The following LRRC3B variants were observed in gnomAD, a reference collection of about 807,000 sequenced individuals.
The protein encoded by LRRC3B is leucine-rich repeat-containing protein 3B.
In LRRC3B, 2 loss-of-function variants were observed where a neutral mutation model predicts 12.8. The observed-to-expected ratio is 0.16, with a 90% confidence interval of 0.06 to 0.49. The LOEUF (loss-of-function observed/expected upper bound fraction) is 0.49, where lower values mean the gene tolerates loss of function less well. Among genes scored for constraint, LRRC3B ranks in the 20% least tolerant of loss-of-function variants. The probability of loss-of-function intolerance (pLI) is 0.96; values close to 1 mark genes in which losing one functional copy is unlikely to be tolerated. For missense variants in LRRC3B, 189 were observed against 319.4 expected (o/e 0.59, Z 3.11); for synonymous variants, 132 against 122.0 (o/e 1.08, Z -0.54).
At chr3:26,665,801 T>C (rs1247972631) in intron 1 of LRRC3B, among the ~76,000 whole-genome samples, 4 of 152,190 alleles carry the variant, frequency 2.6e-5, no homozygotes, top group African/African-American at 9.7e-5. Context: ...TCTTGGTTCT[T>C]TGTAAGAGTT....
chr3:26,626,486 AG>A (rs576436723), intron 1 of LRRC3B, among the ~76,000 whole-genome samples: 67 of 152,312 alleles, frequency 4.4e-4, no homozygotes, highest in African/African-American at 1.3e-3. Flanking sequence ...GCTGAGCTCA[AG>A]GCCATTTGGT....
At chr3:26,633,170 T>TTCTC (rs753881482) in intron 1 of LRRC3B, among the ~76,000 whole-genome samples, 4 of 151,988 alleles carry the variant, frequency 2.6e-5, no homozygotes, top group African/African-American at 4.8e-5. Flanking sequence ...CTTTCTCTTC[T>TTCTC]TCTCTCTCTC....
Position 26,671,413 on chromosome 3 carries a change from G to GAGAGAGAGAGAGAGAGAC in LRRC3B, c.-160-38099_-160-38098insGAGAGAGAGAGAGAGACA, listed in dbSNP as rs9331540. Among the ~76,000 whole-genome samples the GAGAGAGAGAGAGAGAGAC allele has an allele frequency of 3.9e-3, 391 of 99,240 alleles. 32 individuals are homozygous for GAGAGAGAGAGAGAGAGAC. The highest frequency in any genetic ancestry group is 8.4e-3 in the East Asian group (22 of 2,618). The allele number at this position is 99,240 out of a possible 152,430, so 65.1% of individuals were successfully genotyped here. A position where few individuals can be genotyped will look rare whatever the true frequency, so the allele number is the denominator to read the frequency against. ...AGAGAGAGAGAGAGAGAGAGAGAGA[G>GAGAGAGAGAGAGAGAGAC]ACGAAGTCTTGCTCTGTCGCCAGGC... On this transcript the variant is annotated intron_variant, in intron 1 of 1. Coordinates refer to ENST00000396641, the Ensembl canonical transcript of LRRC3B.
intron 1 of LRRC3B, among the ~76,000 whole-genome samples, chr3:26,706,879 A>ATAAT (rs1383750860): frequency 6.6e-6 from 1 of 152,216 alleles, no homozygotes; most frequent in African/African-American, 2.4e-5. Context: ...ATTTATAAAA[A>ATAAT]TAATTGCCAT....
chr3:26,665,329 T>G (rs1020539237), intron 1 of LRRC3B, among the ~76,000 whole-genome samples: 1 of 152,124 alleles, frequency 6.6e-6, no homozygotes, highest in Non-Finnish European at 1.5e-5. Context: ...TTTGCTTGAT[T>G]GAAAAATCAC....
intron 1 of LRRC3B, among the ~76,000 whole-genome samples, chr3:26,703,791 A>G (rs1700516153): frequency 6.6e-6 from 1 of 151,680 alleles, no homozygotes; most frequent in Non-Finnish European, 1.5e-5. Context: ...ATCATGAAAC[A>G]TGTACTGCTT....
In LRRC3B at chr3:26,651,595, TTGAATGAA is replaced by T. The variant is rs34871865; in HGVS notation, c.-161+28383_-161+28390del. 5.3e-3 allele frequency among the ~76,000 whole-genome samples: 806 copies of T among 152,100 alleles called. 3 individuals are homozygous for T. The highest frequency in any genetic ancestry group is 0.018 in the African/African-American group (731 of 41,490). ...AAAGTCAATACTCAATAAATATCTGTTGAATGAATGAATGAATGAATGAATGAATGAAG... is the reference window on the plus strand; with the variant it reads ...AAAGTCAATACTCAATAAATATCTGTTGAATGAATGAATGAATGAATGAAG... On this transcript the variant is annotated intron_variant, in intron 1 of 1. Coordinates refer to ENST00000396641, the Ensembl canonical transcript of LRRC3B.
chr3:26,641,244 T>G (rs528486700), intron 1 of LRRC3B, among the ~76,000 whole-genome samples: 1 of 152,088 alleles, frequency 6.6e-6, no homozygotes, highest in East Asian at 1.9e-4. Context: ...CCCAGTAGCA[T>G]AGGTGGCCTA....
chr3:26,670,671 A>C (rs1344723157), intron 1 of LRRC3B, among the ~76,000 whole-genome samples: 1 of 152,180 alleles, frequency 6.6e-6, no homozygotes, highest in Non-Finnish European at 1.5e-5. Context: ...TCCACATATG[A>C]ATCTCATTTT....
chr3:26,692,579 C>T (rs946620222), intron 1 of LRRC3B, among the ~76,000 whole-genome samples: 1 of 151,984 alleles, frequency 6.6e-6, no homozygotes, highest in East Asian at 1.9e-4. Flanking sequence ...CAGCATTGAG[C>T]AATTACAAAA....
At chr3:26,695,516 GACA>G (rs1433609496) in intron 1 of LRRC3B, among the ~76,000 whole-genome samples, 1 of 140,504 alleles carries the variant, frequency 7.1e-6, no homozygotes, top group Non-Finnish European at 1.5e-5. Context: ...GACAGAGCCA[GACA>G]ACATCTCAAA....
Position 26,704,588 on chromosome 3 carries a change from C to T in LRRC3B, c.-160-4925C>T, listed in dbSNP as rs1412310200. On this transcript the variant is annotated intron_variant, in intron 1 of 1. Transcript: ENST00000396641. ...TCTTTTTATTTTTATTTTTTAGAGA[C>T]AGGGTCTTGCTATGTTGCCCTGTCT... is the stretch of plus-strand genomic sequence containing the variant. Among the ~76,000 whole-genome samples the T allele has an allele frequency of 2.0e-5, 3 of 151,732 alleles. No homozygotes were observed. The East Asian group carries it at 5.8e-4, about 29-fold the overall frequency.
chr3:26,690,874 T>A (rs890905347), intron 1 of LRRC3B, among the ~76,000 whole-genome samples: 2 of 151,926 alleles, frequency 1.3e-5, no homozygotes, highest in Non-Finnish European at 2.9e-5. Flanking sequence ...GCAGCCTATA[T>A]GATTATCTTA....
At chr3:26,701,608 T>C (rs571202175) in intron 1 of LRRC3B, among the ~76,000 whole-genome samples, 1 of 152,188 alleles carries the variant, frequency 6.6e-6, no homozygotes, top group South Asian at 2.1e-4. Flanking sequence ...CCATCCCTTA[T>C]TGACAAACTC....
At chr3:26,678,401 G>T (rs1226876863) in intron 1 of LRRC3B, among the ~76,000 whole-genome samples, 1 of 152,072 alleles carries the variant, frequency 6.6e-6, no homozygotes, top group Admixed American at 6.6e-5. Flanking sequence ...GGCTGAGGTA[G>T]GAGAATAGCT....
intron 1 of LRRC3B, among the ~76,000 whole-genome samples, chr3:26,683,474 G>GAA (rs909757097): frequency 6.6e-6 from 1 of 152,164 alleles, no homozygotes; most frequent in African/African-American, 2.4e-5. Context: ...AAGGGGGTTG[G>GAA]AAAAGATATG....
chr3:26,639,511 A>ATTAAATTAAATTAAATTAAATTTAAATCT (rs1698976859), intron 1 of LRRC3B, among the ~76,000 whole-genome samples: 1 of 124,332 alleles, frequency 8.0e-6, no homozygotes, highest in African/African-American at 4.1e-5. Context: ...ATTAAATTAA[A>ATTAAATTAAATTAAATTAAATTTAAATCT]TTAAATTAAA....
intron 1 of LRRC3B, among the ~76,000 whole-genome samples, chr3:26,629,191 C>T (rs1373638287): frequency 6.6e-6 from 1 of 150,772 alleles, no homozygotes; most frequent in Non-Finnish European, 1.5e-5. Flanking sequence ...CCTCCCCCTC[C>T]CTCCCTGCGT....
chr3:26,626,447 C>A (rs991533015), intron 1 of LRRC3B, among the ~76,000 whole-genome samples: 1 of 152,108 alleles, frequency 6.6e-6, no homozygotes, highest in Non-Finnish European at 1.5e-5. Context: ...ATTATCCCAC[C>A]CAATCCAGAC....
Sources: allele counts gnomAD v4.1 joint callset (sites outside exome capture counted in the v4.1 genomes callset), GRCh38; gene constraint gnomAD v4.1.1; transcripts MANE v1.5; gene names NCBI Gene and HGNC (gene_info 2026-07-23, HGNC 2026-07-21).